The following PPA2 variants were observed in gnomAD, a reference collection of about 807,000 sequenced individuals.
PPA2 encodes inorganic pyrophosphatase 2, mitochondrial.
Under a neutral mutation model 49.5 loss-of-function variants are expected in PPA2, and 48 were observed. The ratio of observed to expected loss-of-function variants is 0.97; its 90% CI spans 0.77 to 1.23. The LOEUF (loss-of-function observed/expected upper bound fraction) is 1.23. Among genes scored for constraint, PPA2 ranks in the 50% most tolerant of loss-of-function variants. The pLI is 0.00. For missense variants in PPA2, 429 were observed against 410.1 expected, an observed-to-expected ratio of 1.05 and a Z score of -0.40; for synonymous variants, 131 against 139.9, an observed-to-expected ratio of 0.94 and a Z score of 0.45.
chr4:105,410,947 C>A (rs1001033898), intron 7 of PPA2, among the ~76,000 whole-genome samples: 17 of 152,196 alleles, frequency 1.1e-4, no homozygotes, highest in Non-Finnish European at 2.1e-4. Context: ...CCGGTACCAG[C>A]CACTGCAAAA....
intron 6 of PPA2, among the ~76,000 whole-genome samples, chr4:105,424,846 G>C (rs1200824582): frequency 6.6e-6 from 1 of 152,194 alleles, no homozygotes; most frequent in African/African-American, 2.4e-5. Context: ...AATATACATA[G>C]GGGTTCCTTT....
At chr4:105,410,143 T>C (rs1722681996) in intron 7 of PPA2, among the ~76,000 whole-genome samples, 1 of 152,114 alleles carries the variant, frequency 6.6e-6, no homozygotes, top group African/African-American at 2.4e-5. Context: ...TTCTAACCCA[T>C]CGCAAAGAAG....
intron 6 of PPA2, among the ~76,000 whole-genome samples, chr4:105,428,611 G>GAACACA (rs1390216837): frequency 6.8e-6 from 1 of 147,950 alleles, no homozygotes; most frequent in Non-Finnish European, 1.5e-5. Flanking sequence ...ATAAGTGGGA[G>GAACACA]TTGAACAGTG....
intron 1 of PPA2, among the ~76,000 whole-genome samples, chr4:105,464,171 G>A (rs1723205952): frequency 6.6e-6 from 1 of 152,222 alleles, no homozygotes; most frequent in Admixed American, 6.5e-5. Flanking sequence ...CAAGACCACA[G>A]GAACCCACCT....
At chr4:105,381,320 T>C (rs918848050) in intron 10 of PPA2, among the ~76,000 whole-genome samples, 1 of 152,038 alleles carries the variant, frequency 6.6e-6, no homozygotes, top group African/African-American at 2.4e-5. Context: ...TTCCAATCAA[T>C]GGCTTATCTT....
chr4:105,442,823 T>C (rs1349926818), intron 5 of PPA2, among the ~76,000 whole-genome samples: 1 of 152,250 alleles, frequency 6.6e-6, no homozygotes, highest in Non-Finnish European at 1.5e-5. Flanking sequence ...AGTACACAGT[T>C]GGCTCAGTAA....
rs1723065640 is a variant in PPA2, at chr4:105,460,940, T to C, written c.158-4195A>G. ...AATGGTCTGTATTTACTAACTTACATAACCATACCTACTAGAAGCTATTTC... is the reference window on the plus strand; with the variant it reads ...AATGGTCTGTATTTACTAACTTACACAACCATACCTACTAGAAGCTATTTC... On this transcript the variant is annotated intron_variant, in intron 1 of 11. Coordinates refer to ENST00000341695, the MANE Select transcript of PPA2 (RefSeq NM_176869.3). 4.6e-5 allele frequency among the ~76,000 whole-genome samples: 7 copies of C among 151,596 alleles called. No individual in the cohort carries two copies. In the South Asian group the frequency reaches 1.4e-3, roughly 31 times the overall value.
At chr4:105,403,705 C>T (rs951675605) in intron 7 of PPA2, among the ~76,000 whole-genome samples, 6 of 151,944 alleles carry the variant, frequency 3.9e-5, no homozygotes, top group African/African-American at 1.5e-4. Flanking sequence ...AAAAGAAAAC[C>T]TATAATAACT....
intron 7 of PPA2, among the ~76,000 whole-genome samples, chr4:105,402,154 C>A (rs570302650): frequency 1.7e-4 from 26 of 152,150 alleles, no homozygotes; most frequent in African/African-American, 6.3e-4. Context: ...TGCCCCTAAT[C>A]CCAGCTACTT....
chr4:105,416,635 T>C (rs940192009), intron 7 of PPA2, among the ~76,000 whole-genome samples: 1 of 152,226 alleles, frequency 6.6e-6, no homozygotes, highest in Admixed American at 6.5e-5. Flanking sequence ...TTTAATAACA[T>C]TCATTGTAGT....
In PPA2 at chr4:105,449,216, C is replaced by CAA. The variant is rs576525217; in HGVS notation, c.321+132_321+133dup. On this transcript the variant is annotated intron_variant, in intron 4 of 11. Transcript: ENST00000341695. ...TGGGCGACAGAGCGAGACTCCGTCTCAAAAAAAAAAAAAAAAAAAAAAAAA... is the reference window on the plus strand; with the variant it reads ...TGGGCGACAGAGCGAGACTCCGTCTCAAAAAAAAAAAAAAAAAAAAAAAAAAA... 59 of 202,976 alleles carry CAA rather than the reference C, an allele frequency of 2.9e-4. 2 individuals carry two copies. Among genetic ancestry groups the CAA allele is most frequent in the Admixed American group, 5.6e-4 (4 of 7,102 alleles). 12.6% of individuals were successfully genotyped at this position (202,976 alleles called of 1,614,324 possible).
chr4:105,387,739 T>C (rs1436540563), intron 9 of PPA2, among the ~76,000 whole-genome samples: 1 of 151,390 alleles, frequency 6.6e-6, no homozygotes, highest in African/African-American at 2.4e-5. Flanking sequence ...AAACTCCACA[T>C]CCTGCACATG....
intron 1 of PPA2, among the ~76,000 whole-genome samples, chr4:105,458,438 T>TA (rs1722952607): frequency 6.6e-6 from 1 of 152,184 alleles, no homozygotes; most frequent in Admixed American, 6.5e-5. Context: ...AATCCTGTAC[T>TA]AACTTTGCAG....
At chr4:105,387,712 C>T (rs920251079) in intron 9 of PPA2, among the ~76,000 whole-genome samples, 3 of 152,032 alleles carry the variant, frequency 2.0e-5, no homozygotes, top group Non-Finnish European at 2.9e-5. Context: ...CTATAGCACA[C>T]GTTTACTTAC....
intron 5 of PPA2, among the ~76,000 whole-genome samples, chr4:105,445,778 G>A (rs1375485140): frequency 6.6e-6 from 1 of 152,010 alleles, no homozygotes; most frequent in Non-Finnish European, 1.5e-5. Flanking sequence ...TCCTGGGAAT[G>A]AGGAAACATG....
At chr4:105,412,584 C>T (rs935381817) in intron 7 of PPA2, among the ~76,000 whole-genome samples, 2 of 151,990 alleles carry the variant, frequency 1.3e-5, no homozygotes, top group African/African-American at 4.8e-5. Flanking sequence ...CGCAATCTAC[C>T]CATCTGACAA....
intron 3 of PPA2, 91 bp from the exon 4 acceptor site, chr4:105,449,494 TTCCCCCG>T: frequency 1.4e-6 from 1 of 721,166 alleles, no homozygotes; most frequent in Non-Finnish European, 2.2e-6. Flanking sequence ...CTTAGATGTT[TTCCCCCG>T]ACAAAAAAAA....
chr4:105,457,358 T>C (rs1051848962), intron 1 of PPA2, among the ~76,000 whole-genome samples: 1 of 152,228 alleles, frequency 6.6e-6, no homozygotes, highest in Non-Finnish European at 1.5e-5. Context: ...ACACAATGCC[T>C]TGTAAATAAA....
At chr4:105,423,150 T>C (rs1723327903) in intron 7 of PPA2, 1 of 152,206 alleles carries the variant, frequency 6.6e-6, no homozygotes, top group Non-Finnish European at 1.5e-5. Flanking sequence ...GCTCATATTT[T>C]AATTGTAGTT....
Sources: gnomAD v4.1 joint callset for allele counts (sites outside exome capture counted in the v4.1 genomes callset) on GRCh38, gnomAD v4.1.1 for gene constraint, MANE v1.5 for transcripts, NCBI Gene and HGNC (gene_info 2026-07-23, HGNC 2026-07-21) for gene names.